ZNF407: variants seen among roughly 807,000 people sequenced by gnomAD.
ZNF407 encodes zinc finger protein 407.
Under a neutral mutation model 131.2 loss-of-function variants are expected in ZNF407, and 17 were observed. The ratio of observed to expected loss-of-function variants is 0.13; its 90% CI spans 0.09 to 0.19. The LOEUF is 0.19. Ranked by LOEUF, ZNF407 falls within the 10% of genes least tolerant of loss-of-function variation. The pLI is 1.00. For missense variants in ZNF407, 2,681 were observed against 2,830.6 expected, an observed-to-expected ratio of 0.95 and a Z score of 1.20; for synonymous variants, 1,156 against 1,062.0, an observed-to-expected ratio of 1.09 and a Z score of -1.72.
chr18:74,839,098 G>A (rs1157491), intron 4 of ZNF407, among the ~76,000 whole-genome samples: 56,142 of 151,814 alleles, frequency 0.37, 10,617 homozygotes, highest in East Asian at 0.44. Context: ...TTTATCTATT[G>A]TATTTATACT....
chr18:74,915,326 G>A (rs1971733501), intron 7 of ZNF407, among the ~76,000 whole-genome samples: 1 of 128,936 alleles, frequency 7.8e-6, no homozygotes, highest in Non-Finnish European at 1.5e-5. Flanking sequence ...TCGGGAGTGT[G>A]TGTGTGTGTG....
intron 3 of ZNF407, among the ~76,000 whole-genome samples, chr18:74,650,604 G>T (rs769818701): frequency 1.3e-5 from 2 of 152,080 alleles, no homozygotes. Flanking sequence ...TTTAGGGTGG[G>T]CTCATGTATG....
chr18:74,919,143 G>A (rs200571229), intron 7 of ZNF407, among the ~76,000 whole-genome samples: 3 of 152,096 alleles, frequency 2.0e-5, no homozygotes, highest in East Asian at 1.9e-4. Flanking sequence ...ATTCTGCCTC[G>A]CTTGGACGAT....
At chr18:74,907,471 C>CCTGGCCTACCAGATCT (rs1313596909) in intron 7 of ZNF407, among the ~76,000 whole-genome samples, 1 of 152,144 alleles carries the variant, frequency 6.6e-6, no homozygotes. Flanking sequence ...GGTCCTGTGA[C>CCTGGCCTACCAGATCT]CTGGCCTACC....
chr18:75,061,831 T>C, intron 8 of ZNF407: 1 of 152,664 alleles, frequency 6.6e-6, no homozygotes, highest in Non-Finnish European at 1.5e-5. Flanking sequence ...TCTCTCCTGG[T>C]CTCCCCTTAT....
intron 8 of ZNF407, among the ~76,000 whole-genome samples, chr18:74,935,176 CAGAT>C (rs1972025971): frequency 6.6e-6 from 1 of 152,124 alleles, no homozygotes; most frequent in African/African-American, 2.4e-5. Context: ...TGAAAATGCT[CAGAT>C]AGTTCTCTTG....
chr18:74,753,618 G>T (rs1330063406), intron 3 of ZNF407, among the ~76,000 whole-genome samples: 1 of 152,100 alleles, frequency 6.6e-6, no homozygotes, highest in Non-Finnish European at 1.5e-5. Flanking sequence ...GATAATTGTG[G>T]TTTTTGTCTT....
intron 8 of ZNF407, among the ~76,000 whole-genome samples, chr18:75,032,629 G>C (rs1041651720): frequency 6.6e-6 from 1 of 152,126 alleles, no homozygotes; most frequent in African/African-American, 2.4e-5. Flanking sequence ...TAGCATACTG[G>C]GTGTCCTCGC....
At chr18:74,661,119 TAAAG>T (rs1985696033) in intron 3 of ZNF407, among the ~76,000 whole-genome samples, 1 of 152,134 alleles carries the variant, frequency 6.6e-6, no homozygotes. Flanking sequence ...AGAATTGTAA[TAAAG>T]AAATCAATAT....
At chr18:74,720,716 A>G (rs1485856860) in intron 3 of ZNF407, among the ~76,000 whole-genome samples, 1 of 152,054 alleles carries the variant, frequency 6.6e-6, no homozygotes, top group African/African-American at 2.4e-5. Context: ...TCTTCTGCAA[A>G]TGAATATCAG....
intron 3 of ZNF407, among the ~76,000 whole-genome samples, chr18:74,725,515 ATTGAGTATCTTC>A (rs1568184417): frequency 6.6e-6 from 1 of 152,160 alleles, no homozygotes. Flanking sequence ...TGTTTATCTC[ATTGAGTATCTTC>A]ATGTGTGTTA....
chr18:74,625,170 G>A (rs1170597045), intron 1 of ZNF407, among the ~76,000 whole-genome samples: 1 of 152,204 alleles, frequency 6.6e-6, no homozygotes, highest in African/African-American at 2.4e-5. Context: ...TAGAAATTCA[G>A]TTGTGAAATA....
intron 3 of ZNF407, among the ~76,000 whole-genome samples, chr18:74,674,654 G>A (rs1986283885): frequency 6.6e-6 from 1 of 152,104 alleles, no homozygotes; most frequent in Non-Finnish European, 1.5e-5. Flanking sequence ...CTACCCCAGG[G>A]CTTGGCTCTG....
intron 4 of ZNF407, among the ~76,000 whole-genome samples, chr18:74,789,812 C>T (rs1175257765): frequency 6.6e-6 from 1 of 151,224 alleles, no homozygotes; most frequent in East Asian, 2.0e-4. Context: ...CCTTTTTAAT[C>T]CTGTTTTATT....
chr18:74,623,185 CGTGT>C (rs1568317133), intron 1 of ZNF407, among the ~76,000 whole-genome samples: 1 of 149,202 alleles, frequency 6.7e-6, no homozygotes, highest in Non-Finnish European at 1.5e-5. Flanking sequence ...AATGTGAATC[CGTGT>C]GTGTCTGTAT....
At chr18:74,775,891 C>T (rs900058512) in intron 3 of ZNF407, among the ~76,000 whole-genome samples, 1 of 146,502 alleles carries the variant, frequency 6.8e-6, no homozygotes, top group Non-Finnish European at 1.5e-5. Flanking sequence ...GGATGTTTTA[C>T]ACACTTTTAA....
At chr18:74,660,384 C>G (rs1403022134) in intron 3 of ZNF407, among the ~76,000 whole-genome samples, 1 of 152,008 alleles carries the variant, frequency 6.6e-6, no homozygotes, top group Non-Finnish European at 1.5e-5. Flanking sequence ...GTTAATTATT[C>G]TTCATCCATC....
intron 5 of ZNF407, among the ~76,000 whole-genome samples, chr18:74,877,949 A>G (rs1489932432): frequency 1.3e-5 from 2 of 152,224 alleles, no homozygotes; most frequent in Non-Finnish European, 2.9e-5. Context: ...TTGGAAAGTT[A>G]TTAAAAATGT....
intron 4 of ZNF407, among the ~76,000 whole-genome samples, chr18:74,861,430 C>A (rs575201151): frequency 9.8e-5 from 15 of 152,318 alleles, no homozygotes; most frequent in African/African-American, 3.4e-4. Flanking sequence ...GAATGTGCTG[C>A]AGACAGAAGG....
Sources: allele counts gnomAD v4.1 joint callset (sites outside exome capture counted in the v4.1 genomes callset), GRCh38; gene constraint gnomAD v4.1.1; transcripts MANE v1.5; gene names NCBI Gene and HGNC (gene_info 2026-07-23, HGNC 2026-07-21).